Variants in EPB41 observed in about 807,000 individuals in gnomAD.
EPB41 encodes the protein protein 4.1.
EPB41 carries 65 observed loss-of-function variants against 108.0 expected under a neutral mutation model. That is an observed-to-expected ratio of 0.60 (90% CI 0.49 to 0.74). The LOEUF is 0.74. Ranked by LOEUF, EPB41 falls within the 30% of genes least tolerant of loss-of-function variation. The pLI is 0.00. For missense variants in EPB41, 875 were observed against 1,037.0 expected (o/e 0.84, Z 2.15); for synonymous variants, 336 against 358.9 (o/e 0.94, Z 0.72).
intron 1 of EPB41, among the ~76,000 whole-genome samples, chr1:28,904,729 C>T (rs889696104): frequency 6.6e-6 from 1 of 151,862 alleles, no homozygotes; most frequent in Non-Finnish European, 1.5e-5. Context: ...AAAACCTTGT[C>T]TCTACTAAAA....
intron 1 of EPB41, among the ~76,000 whole-genome samples, chr1:28,932,944 C>T (rs545225088): frequency 6.6e-6 from 1 of 152,026 alleles, no homozygotes; most frequent in Non-Finnish European, 1.5e-5. Context: ...TACAAAGACA[C>T]GTATAGACAT....
chr1:28,887,160 C>T, upstream of EPB41: 2 of 1,123,542 alleles, frequency 1.8e-6, no homozygotes, highest in Non-Finnish European at 2.4e-6. The surrounding 1 kb of genome is among the most constrained non-coding windows in gnomAD (Gnocchi z 4.9). Flanking sequence ...AGGGCGAGAG[C>T]GGCGCGGAGC....
intron 2 of EPB41, among the ~76,000 whole-genome samples, chr1:28,991,645 T>C (rs1395058255): frequency 6.7e-6 from 1 of 148,770 alleles, no homozygotes; most frequent in African/African-American, 2.5e-5. Context: ...GAGGCTGCAT[T>C]GAGCCATGAT....
intron 10 of EPB41, among the ~76,000 whole-genome samples, chr1:29,037,850 G>T (rs561501572): frequency 1.3e-5 from 2 of 152,204 alleles, no homozygotes; most frequent in African/African-American, 2.4e-5. Flanking sequence ...GCCTTTTTAA[G>T]AACGTTTCTT....
At chr1:28,899,591 A>ACTC (rs373618494) in intron 1 of EPB41, among the ~76,000 whole-genome samples, 39 of 152,292 alleles carry the variant, frequency 2.6e-4, no homozygotes, top group African/African-American at 9.4e-4. Flanking sequence ...TGGACTGTGA[A>ACTC]CTTGGAACCA....
At chr1:28,894,935 C>A (rs868273065) in intron 1 of EPB41, among the ~76,000 whole-genome samples, 2 of 152,174 alleles carry the variant, frequency 1.3e-5, no homozygotes, top group South Asian at 4.1e-4. Flanking sequence ...CAAGGAGCCC[C>A]TGAACTTCCC....
intron 6 of EPB41, among the ~76,000 whole-genome samples, chr1:29,016,157 C>G (rs563871998): frequency 3.9e-5 from 6 of 151,926 alleles, no homozygotes; most frequent in African/African-American, 7.3e-5. Flanking sequence ...CCTTTCCCAC[C>G]ATGTTCCTTC....
intron 1 of EPB41, among the ~76,000 whole-genome samples, chr1:28,892,918 C>T (rs2090286409): frequency 6.6e-6 from 1 of 150,612 alleles, no homozygotes; most frequent in South Asian, 2.1e-4. Flanking sequence ...ATTCTTGTGC[C>T]TTAGCCTCCT....
chr1:28,977,745 A>G (rs1414458064), intron 1 of EPB41, among the ~76,000 whole-genome samples: 1 of 152,118 alleles, frequency 6.6e-6, no homozygotes, highest in Non-Finnish European at 1.5e-5. Flanking sequence ...TACCCGTCCT[A>G]TCATTTGTAA....
chr1:28,962,089 T>G (rs953950861), intron 1 of EPB41, among the ~76,000 whole-genome samples: 1 of 151,878 alleles, frequency 6.6e-6, no homozygotes, highest in African/African-American at 2.4e-5. Context: ...AGATGGAGTC[T>G]CGCCCTTGTT....
intron 16 of EPB41, among the ~76,000 whole-genome samples, chr1:29,088,258 G>T (rs980739187): frequency 1.3e-5 from 2 of 151,970 alleles, no homozygotes; most frequent in African/African-American, 2.4e-5. Flanking sequence ...TGTTGGCTAG[G>T]CTGGTCCTAA....
intron 16 of EPB41, among the ~76,000 whole-genome samples, chr1:29,081,874 G>A (rs533531645): frequency 2.8e-4 from 43 of 151,000 alleles, no homozygotes; most frequent in African/African-American, 7.5e-4. Flanking sequence ...ACATTTTAGA[G>A]TGGTCTATTT....
intron 16 of EPB41, among the ~76,000 whole-genome samples, chr1:29,087,704 A>T (rs1659658084): frequency 6.6e-6 from 1 of 152,228 alleles, no homozygotes. Context: ...AGGTCAAAAA[A>T]GGGGTAATTT....
chr1:28,901,023 G>A (rs951930654), intron 1 of EPB41, among the ~76,000 whole-genome samples: 15 of 151,664 alleles, frequency 9.9e-5, no homozygotes, highest in African/African-American at 3.4e-4. Flanking sequence ...TCCGCCTCCC[G>A]GGTTCATGCC....
chr1:29,074,371 T>C (rs1449382964), intron 16 of EPB41, among the ~76,000 whole-genome samples: 1 of 152,190 alleles, frequency 6.6e-6, no homozygotes, highest in East Asian at 1.9e-4. Flanking sequence ...ATTACACCGT[T>C]TGTAATATTG....
intron 1 of EPB41, among the ~76,000 whole-genome samples, chr1:28,889,537 C>G (rs1025082149): frequency 6.6e-6 from 1 of 152,250 alleles, no homozygotes; most frequent in African/African-American, 2.4e-5. Flanking sequence ...GGACCAGCAC[C>G]CTCTCTGCAG....
chr1:28,892,957 CCAT>C lies in EPB41; in HGVS notation c.-8+5748_-8+5750del, dbSNP rs543964398. ...TAGCTGGGATTATAGGCACCCACCA[CCAT>C]GCCAGGCTAATTTTGTATTTTTGGA... On this transcript the variant is annotated intron_variant, in intron 1 of 16. Transcript: ENST00000347529. Among the ~76,000 whole-genome samples, 24 of 151,970 alleles carry C rather than the reference CCAT, an allele frequency of 1.6e-4. No homozygotes were observed. The East Asian group carries it at 4.7e-3, about 30-fold the overall frequency.
At chr1:29,030,240 G>A (rs971565389) in intron 7 of EPB41, among the ~76,000 whole-genome samples, 160 bp from the exon 8 acceptor site, 6 of 152,000 alleles carry the variant, frequency 3.9e-5, no homozygotes, top group African/African-American at 1.2e-4. Flanking sequence ...GGCAGTGATG[G>A]GTTCTGTTCC....
chr1:28,945,985 T>C (rs1257683741), intron 1 of EPB41, among the ~76,000 whole-genome samples: 4 of 152,204 alleles, frequency 2.6e-5, no homozygotes, highest in South Asian at 4.1e-4. Context: ...AGACATTGTA[T>C]GATGTATGGG....
Sources: allele counts gnomAD v4.1 joint callset (sites outside exome capture counted in the v4.1 genomes callset), GRCh38; gene constraint gnomAD v4.1.1; non-coding constraint Gnocchi (gnomAD v3.1); transcripts MANE v1.5; gene names NCBI Gene and HGNC (gene_info 2026-07-23, HGNC 2026-07-21).